Variants in MED13L observed in about 807,000 individuals in gnomAD.
MED13L encodes mediator complex subunit 13L.
MED13L carries 7 observed loss-of-function variants against 220.9 expected under a neutral mutation model. The ratio of observed to expected loss-of-function variants is 0.03; its 90% CI spans 0.02 to 0.06. The LOEUF (loss-of-function observed/expected upper bound fraction) is 0.06, where lower values mean the gene tolerates loss of function less well. Among genes scored for constraint, MED13L ranks in the 10% least tolerant of loss-of-function variants. The pLI is 1.00. For missense variants in MED13L, 1,965 were observed against 2,760.5 expected, an observed-to-expected ratio of 0.71 and a Z score of 6.46; for synonymous variants, 1,011 against 1,015.2, an observed-to-expected ratio of 1.00 and a Z score of 0.08.
At chr12:116,261,704 C>G (rs1340777195) in intron 1 of MED13L, among the ~76,000 whole-genome samples, 3 of 152,126 alleles carry the variant, frequency 2.0e-5, no homozygotes. Flanking sequence ...ATATTGCCAA[C>G]TGTTCCTCCC....
At chr12:116,103,736 A>G (rs114216516) in intron 3 of MED13L, among the ~76,000 whole-genome samples, 29 of 152,338 alleles carry the variant, frequency 1.9e-4, no homozygotes, top group African/African-American at 6.7e-4. Flanking sequence ...TTGTTCTACG[A>G]TATCTGTACT....
At chr12:116,125,894 T>C (rs562561849) in intron 2 of MED13L, among the ~76,000 whole-genome samples, 1 of 130,860 alleles carries the variant, frequency 7.6e-6, no homozygotes, top group South Asian at 2.4e-4. Flanking sequence ...CATATGAATT[T>C]CTGTTACAAT....
At chr12:116,001,899 G>C (rs568427851) in intron 14 of MED13L, among the ~76,000 whole-genome samples, 1 of 152,184 alleles carries the variant, frequency 6.6e-6, no homozygotes, top group Admixed American at 6.5e-5. Context: ...GGATGTCTGC[G>C]AGTGAAAAGC....
intron 4 of MED13L, among the ~76,000 whole-genome samples, chr12:116,029,314 T>TAA (rs201810953): frequency 6.7e-6 from 1 of 149,648 alleles, no homozygotes; most frequent in Non-Finnish European, 1.5e-5. Context: ...AGGAAAGTGG[T>TAA]AAAAAACCAT....
chr12:116,176,150 T>C (rs1410003695), intron 2 of MED13L, among the ~76,000 whole-genome samples: 2 of 152,006 alleles, frequency 1.3e-5, no homozygotes, highest in African/African-American at 4.8e-5. Flanking sequence ...CTAGACTACC[T>C]GGAAAGGAAT....
chr12:116,192,208 C>T (rs1881334397), intron 2 of MED13L, among the ~76,000 whole-genome samples: 1 of 152,216 alleles, frequency 6.6e-6, no homozygotes, highest in African/African-American at 2.4e-5. Flanking sequence ...GAACAGACCC[C>T]ATCCCTTATG....
At chr12:116,042,837 T>C (rs1351232679) in intron 4 of MED13L, among the ~76,000 whole-genome samples, 1 of 152,152 alleles carries the variant, frequency 6.6e-6, no homozygotes, top group East Asian at 1.9e-4. Context: ...TCAGTATTGT[T>C]TGAATAGAAA....
chr12:116,260,604 T>G (rs80062815), intron 1 of MED13L, among the ~76,000 whole-genome samples: 1 of 151,988 alleles, frequency 6.6e-6, no homozygotes, highest in Admixed American at 6.6e-5. Context: ...AAACAAAGAA[T>G]AGAATGATAG....
rs772021396 is a variant in MED13L at position 116,019,948 on chromosome 12, T to C, written c.650A>G (p.Asn217Ser). The C allele has an allele frequency of 6.2e-7, 1 of 1,613,564 alleles. No individual in the cohort carries two copies. ...GTATGCTTGGCCTGTTAGCGTCCCA[T>C]TTAAGCCATAAGGACTTACCAGTAC... Reference protein sequence around the residue: ...FQVLVSPYGLNGTLTGQAYKM... With the variant: ...FQVLVSPYGLSGTLTGQAYKM... The change falls in exon 6 of 31, where the codon AAT becomes AGT. Residue 217 changes from asparagine (N) to serine (S), a missense_variant. This residue lies in a region of MED13L where 818 missense variants were observed against 1,041.2 expected (regional missense o/e 0.79). Coordinates refer to ENST00000281928, the MANE Select transcript of MED13L (RefSeq NM_015335.5).
intron 2 of MED13L, among the ~76,000 whole-genome samples, chr12:116,151,883 C>T (rs567989725): frequency 6.6e-6 from 1 of 152,182 alleles, no homozygotes; most frequent in East Asian, 1.9e-4. Context: ...TCCTTTCTCA[C>T]CTTTATATTT....
At chr12:116,221,034 T>C (rs1017914311) in intron 2 of MED13L, among the ~76,000 whole-genome samples, 2 of 152,120 alleles carry the variant, frequency 1.3e-5, no homozygotes, top group African/African-American at 2.4e-5. Flanking sequence ...AACTCTATCC[T>C]ACATATTAAA....
At chr12:116,047,519 AT>A (rs1848081709) in intron 4 of MED13L, among the ~76,000 whole-genome samples, 1 of 152,218 alleles carries the variant, frequency 6.6e-6, no homozygotes, top group Non-Finnish European at 1.5e-5. Context: ...TCCAAGTGAC[AT>A]GTTCTTGATA....
At chr12:116,092,105 T>C (rs1872271449) in intron 4 of MED13L, among the ~76,000 whole-genome samples, 1 of 152,200 alleles carries the variant, frequency 6.6e-6, no homozygotes, top group African/African-American at 2.4e-5. Flanking sequence ...AATTGTCCCA[T>C]TAATATTTGT....
intron 2 of MED13L, among the ~76,000 whole-genome samples, chr12:116,150,484 C>A (rs1445422408): frequency 6.6e-6 from 1 of 152,176 alleles, no homozygotes; most frequent in Non-Finnish European, 1.5e-5. Flanking sequence ...ACTCAGTGCT[C>A]CAGGCTGGCA....
chr12:116,010,831 T>C lies in MED13L; in HGVS notation c.1281-1699A>G, dbSNP rs1437112593. ...AAAATTGTGATAAAAATGACCACAA[T>C]AGGGTTCCAGGTTTGCAGGGAAGCA... On this transcript the variant is annotated intron_variant, in intron 9 of 30. Coordinates refer to ENST00000281928, the MANE Select transcript of MED13L (RefSeq NM_015335.5). 5.9e-5 allele frequency among the ~76,000 whole-genome samples: 9 copies of C among 151,908 alleles called. No homozygotes were observed. In the South Asian group the frequency reaches 6.2e-4, roughly 11 times the overall value.
intron 2 of MED13L, among the ~76,000 whole-genome samples, chr12:116,234,275 C>A (rs144631227): frequency 6.6e-6 from 1 of 151,810 alleles, no homozygotes; most frequent in Non-Finnish European, 1.5e-5. Flanking sequence ...TGTTGCCCAG[C>A]AGAGTGCTGT....
intron 4 of MED13L, among the ~76,000 whole-genome samples, chr12:116,096,363 A>AAAAAAAAAAAAAAAC (rs1872641383): frequency 7.1e-6 from 1 of 140,382 alleles, no homozygotes; most frequent in Non-Finnish European, 1.5e-5. Context: ...TCAAAAAAAA[A>AAAAAAAAAAAAAAAC]AAAAAAAAAA....
rs75305186 is a variant in MED13L at position 116,091,270 on chromosome 12, G to A, written c.479+5399C>T. ...ATTTAAATATATTTTACTTTAAAGT[G>A]TAAAAATCAATAATTATTGTTGACA... On this transcript the variant is annotated intron_variant, in intron 4 of 30. Transcript: ENST00000281928. Among the ~76,000 whole-genome samples the A allele has an allele frequency of 1.3e-3, 200 of 151,840 alleles. 7 individuals carry two copies. The East Asian group carries it at 0.038, about 29-fold the overall frequency.
At chr12:116,018,927 C>T (rs1879890801) in intron 7 of MED13L, among the ~76,000 whole-genome samples, 1 of 149,400 alleles carries the variant, frequency 6.7e-6, no homozygotes, top group African/African-American at 2.5e-5. Context: ...AAAAACCCTA[C>T]ATTTTATCTA....
Sources: allele counts gnomAD v4.1 joint callset (sites outside exome capture counted in the v4.1 genomes callset), GRCh38; gene constraint gnomAD v4.1.1; regional missense constraint gnomAD v4.1.1; transcripts MANE v1.5; gene names NCBI Gene and HGNC (gene_info 2026-07-23, HGNC 2026-07-21).